Variants in AGBL1 observed in about 807,000 individuals in gnomAD.
AGBL1 encodes the protein cytosolic carboxypeptidase 4.
In AGBL1, 130 loss-of-function variants were observed where a neutral mutation model predicts 118.9. The ratio of observed to expected loss-of-function variants is 1.09; its 90% CI spans 0.95 to 1.26. The LOEUF is 1.26. AGBL1 is among the 50% of genes most tolerant of loss of function. The pLI is 0.00. For missense variants in AGBL1, 1,584 were observed against 1,298.1 expected, an observed-to-expected ratio of 1.22 and a Z score of -3.38; for synonymous variants, 555 against 478.9, an observed-to-expected ratio of 1.16 and a Z score of -2.08.
intron 17 of AGBL1, among the ~76,000 whole-genome samples, chr15:86,391,040 C>T (rs1455549066): frequency 6.8e-6 from 1 of 146,340 alleles, no homozygotes; most frequent in Non-Finnish European, 1.5e-5. Flanking sequence ...AAAGGCAAAT[C>T]GGTGGTTGCC....
chr15:86,221,647 G>A (rs1323542508), intron 5 of AGBL1, among the ~76,000 whole-genome samples: 4 of 152,274 alleles, frequency 2.6e-5, no homozygotes, highest in Non-Finnish European at 2.9e-5. Context: ...TTGGCACTGC[G>A]TATGGGAGAT....
At chr15:86,511,873 A>G (rs928456012) in intron 18 of AGBL1, among the ~76,000 whole-genome samples, 5 of 152,036 alleles carry the variant, frequency 3.3e-5, no homozygotes, top group African/African-American at 1.2e-4. Flanking sequence ...AATGAAATAT[A>G]TAATTATCCA....
intron 22 of AGBL1, among the ~76,000 whole-genome samples, chr15:86,894,764 C>G (rs1195410059): frequency 6.6e-6 from 1 of 152,114 alleles, no homozygotes; most frequent in African/African-American, 2.4e-5. Context: ...ATAGAAGTAT[C>G]TAGTCAAAGA....
intron 5 of AGBL1, among the ~76,000 whole-genome samples, chr15:86,203,138 A>G (rs1017624395): frequency 1.3e-5 from 2 of 152,138 alleles, no homozygotes; most frequent in African/African-American, 2.4e-5. Flanking sequence ...TGATGATGCT[A>G]ATCACCATAA....
intron 5 of AGBL1, among the ~76,000 whole-genome samples, chr15:86,185,666 A>AAAC (rs2077619989): frequency 6.6e-6 from 1 of 151,954 alleles, no homozygotes; most frequent in South Asian, 2.1e-4. Context: ...ACAAAAAACC[A>AAAC]AACACTGCAT....
At chr15:86,269,669 A>T (rs1394531790) in intron 13 of AGBL1, among the ~76,000 whole-genome samples, 1 of 152,186 alleles carries the variant, frequency 6.6e-6, no homozygotes, top group Non-Finnish European at 1.5e-5. Flanking sequence ...ATAATAGTTT[A>T]AAAAAATTTA....
intron 22 of AGBL1, among the ~76,000 whole-genome samples, chr15:86,797,735 T>C (rs1415536648): frequency 1.3e-5 from 2 of 151,820 alleles, no homozygotes; most frequent in South Asian, 2.1e-4. Context: ...ATTTAAAGCA[T>C]GGGGCAGGGG....
chr15:86,420,858 C>T (rs909764024), intron 18 of AGBL1, among the ~76,000 whole-genome samples: 6 of 152,098 alleles, frequency 3.9e-5, no homozygotes, highest in African/African-American at 1.4e-4. Flanking sequence ...GAAAGGATAT[C>T]AGAGTTTGAA....
intron 18 of AGBL1, among the ~76,000 whole-genome samples, chr15:86,425,320 A>G (rs2081853594): frequency 6.6e-6 from 1 of 151,944 alleles, no homozygotes; most frequent in Non-Finnish European, 1.5e-5. Flanking sequence ...GTTCTCACTC[A>G]TAAGTGGGAG....
chr15:86,381,641 T>A (rs1279692423), intron 17 of AGBL1, among the ~76,000 whole-genome samples: 1 of 152,104 alleles, frequency 6.6e-6, no homozygotes, highest in Non-Finnish European at 1.5e-5. Context: ...CAGGAGAACT[T>A]AATTCAGTCT....
intron 19 of AGBL1, among the ~76,000 whole-genome samples, chr15:86,525,439 C>CA (rs1281271815): frequency 2.0e-5 from 3 of 151,784 alleles, no homozygotes; most frequent in Non-Finnish European, 4.4e-5. Context: ...GAAACCTTAG[C>CA]AAAAAGAATA....
intron 23 of AGBL1, among the ~76,000 whole-genome samples, chr15:86,986,556 AGG>A (rs2081284786): frequency 6.6e-6 from 1 of 152,114 alleles, no homozygotes; most frequent in Non-Finnish European, 1.5e-5. Flanking sequence ...AAAAAGGAGG[AGG>A]AGGAGGAGGA....
chr15:86,111,132 T>G (rs1269439198), intron 1 of AGBL1, among the ~76,000 whole-genome samples: 5 of 152,224 alleles, frequency 3.3e-5, no homozygotes, highest in Non-Finnish European at 5.9e-5. Flanking sequence ...AATGCCCCGG[T>G]TGGTCCTGAG....
intron 21 of AGBL1, among the ~76,000 whole-genome samples, chr15:86,594,805 T>C (rs986256437): frequency 1.3e-5 from 2 of 152,198 alleles, no homozygotes; most frequent in African/African-American, 4.8e-5. Context: ...TATACACACA[T>C]GACTATTTAT....
At chr15:86,940,560 A>G (rs1458246838) in intron 23 of AGBL1, among the ~76,000 whole-genome samples, 1 of 152,178 alleles carries the variant, frequency 6.6e-6, no homozygotes, top group Non-Finnish European at 1.5e-5. Context: ...AAATTATAGA[A>G]GGAAATTGTT....
chr15:86,846,578 C>T (rs2079322393), intron 22 of AGBL1, among the ~76,000 whole-genome samples: 2 of 152,184 alleles, frequency 1.3e-5, no homozygotes, highest in African/African-American at 4.8e-5. Context: ...GTCACCCAGG[C>T]TGGAGTGCAG....
rs75805847 is a variant in AGBL1, at chr15:86,708,519, C to T, written c.3158+34083C>T. 2.0e-4 allele frequency among the ~76,000 whole-genome samples: 30 copies of T among 152,214 alleles called. No individual in the cohort carries two copies. The East Asian group carries it at 3.7e-3, about 19-fold the overall frequency. On this transcript the variant is annotated intron_variant, in intron 22 of 22. Transcript: ENST00000614907. ...TTGCTATTGTTAAAGCTTTCCAGTT[C>T]GTGGTATTTGTTACCGCAGCCTGAG... is the stretch of plus-strand genomic sequence containing the variant.
chr15:86,548,663 G>GCACACA (rs61362688), intron 20 of AGBL1, among the ~76,000 whole-genome samples: 2,352 of 142,758 alleles, frequency 0.016, 53 homozygotes, highest in African/African-American at 0.046. Context: ...ACACATGCAC[G>GCACACA]CACACACACA....
intron 19 of AGBL1, among the ~76,000 whole-genome samples, chr15:86,536,236 C>G (rs918354915): frequency 6.6e-6 from 1 of 152,196 alleles, no homozygotes; most frequent in Admixed American, 6.5e-5. Context: ...AAGCAAAGGG[C>G]ATTTTTTCTC....
Sources: gnomAD v4.1 joint callset for allele counts (sites outside exome capture counted in the v4.1 genomes callset) on GRCh38, gnomAD v4.1.1 for gene constraint, MANE v1.5 for transcripts, NCBI Gene and HGNC (gene_info 2026-07-23, HGNC 2026-07-21) for gene names.